KCNK10: variants seen among roughly 807,000 people sequenced by gnomAD.
KCNK10 encodes potassium two pore domain channel subfamily K member 10, also known as potassium channel subfamily K member 10.
KCNK10 carries 25 observed loss-of-function variants against 47.7 expected under a neutral mutation model. The ratio of observed to expected loss-of-function variants is 0.52; its 90% CI spans 0.38 to 0.73. The LOEUF (loss-of-function observed/expected upper bound fraction) is 0.73, where lower values mean the gene tolerates loss of function less well. Ranked by LOEUF, KCNK10 falls within the 30% of genes least tolerant of loss-of-function variation. The pLI is 0.00. For synonymous variants in KCNK10, 303 were observed against 285.6 expected, an observed-to-expected ratio of 1.06 and a Z score of -0.61; for missense variants, 563 against 714.5, an observed-to-expected ratio of 0.79 and a Z score of 2.42.
chr14:88,326,406 G>A, upstream of KCNK10: 1 of 1,610,624 alleles, frequency 6.2e-7, no homozygotes, highest in Non-Finnish European at 8.5e-7. Context: ...TTTACAAGCT[G>A]GACTTCACTT....
At chr14:88,280,469 C>T (rs1887625790) in intron 1 of KCNK10, among the ~76,000 whole-genome samples, 1 of 152,170 alleles carries the variant, frequency 6.6e-6, no homozygotes, top group Non-Finnish European at 1.5e-5. Flanking sequence ...CAGGTCTATA[C>T]ACCCAGACCC....
chr14:88,252,651 A>C (rs1027848254), intron 2 of KCNK10, among the ~76,000 whole-genome samples: 1 of 151,930 alleles, frequency 6.6e-6, no homozygotes, highest in African/African-American at 2.4e-5. Flanking sequence ...CACAATACCC[A>C]CTCCTCACAT....
chr14:88,309,793 A>G (rs918609424), intron 1 of KCNK10, among the ~76,000 whole-genome samples: 1 of 152,088 alleles, frequency 6.6e-6, no homozygotes, highest in Non-Finnish European at 1.5e-5. Context: ...AGAAGCCTCA[A>G]TGGACTTGGA....
At chr14:88,315,960 T>C (rs1424565286) in intron 1 of KCNK10, among the ~76,000 whole-genome samples, 1 of 152,174 alleles carries the variant, frequency 6.6e-6, no homozygotes, top group African/African-American at 2.4e-5. Context: ...GGCTTATGTA[T>C]GGCAGTAAAT....
chr14:88,249,174 G>A (rs1886726439), intron 2 of KCNK10, among the ~76,000 whole-genome samples: 1 of 152,090 alleles, frequency 6.6e-6, no homozygotes, highest in Non-Finnish European at 1.5e-5. Flanking sequence ...AAAAACAAAA[G>A]GTTAAACACT....
intron 1 of KCNK10, among the ~76,000 whole-genome samples, chr14:88,296,028 T>A (rs957409164): frequency 6.6e-6 from 1 of 152,180 alleles, no homozygotes. Flanking sequence ...TCTGGTCTAG[T>A]CCATGCACCT....
rs535244473 is a variant in KCNK10 at position 88,183,639 on chromosome 14, G to A, written c.*1896C>T. ...GAGCCTCATCTCCAGTCCAATGGAG[G>A]AGTTGACTTAGACCTTCCTTGGACA... On this transcript the variant is annotated 3_prime_UTR_variant, in exon 7 of 7. Transcript: ENST00000319231. 1 of 152,472 alleles carries A rather than the reference G, an allele frequency of 6.6e-6. No homozygotes were observed. Among genetic ancestry groups the A allele is most frequent in the African/African-American group, 2.4e-5 (1 of 41,572 alleles). The allele number at this position is 152,472 out of a possible 1,614,324, so 9.4% of individuals were successfully genotyped here.
intron 1 of KCNK10, among the ~76,000 whole-genome samples, chr14:88,275,011 A>T (rs1008508925): frequency 2.6e-5 from 4 of 152,096 alleles, no homozygotes; most frequent in African/African-American, 9.7e-5. Flanking sequence ...AAGATGCCTC[A>T]GGGGCCCCTG....
At chr14:88,294,789 A>C (rs1887952384) in intron 1 of KCNK10, among the ~76,000 whole-genome samples, 2 of 152,132 alleles carry the variant, frequency 1.3e-5, no homozygotes, top group African/African-American at 4.8e-5. Context: ...CCTCTCTTAA[A>C]TTTAATATGC....
chr14:88,236,219 A>ACTC (rs1886296740), intron 3 of KCNK10, among the ~76,000 whole-genome samples: 1 of 152,162 alleles, frequency 6.6e-6, no homozygotes, highest in Non-Finnish European at 1.5e-5. Context: ...CAGGAGGCTG[A>ACTC]AGCCAAAAGA....
At chr14:88,307,776 T>C (rs1285938246) in intron 1 of KCNK10, among the ~76,000 whole-genome samples, 2 of 152,106 alleles carry the variant, frequency 1.3e-5, no homozygotes, top group Non-Finnish European at 2.9e-5. Context: ...ATAAATTACA[T>C]ATTATATGTT....
At chr14:88,206,127 T>A (rs1477761401) in intron 4 of KCNK10, among the ~76,000 whole-genome samples, 5 of 152,206 alleles carry the variant, frequency 3.3e-5, no homozygotes, top group African/African-American at 1.2e-4. Context: ...TATTGGAACA[T>A]GGCCATTTTC....
At chr14:88,308,786 G>A (rs546003188) in intron 1 of KCNK10, among the ~76,000 whole-genome samples, 1 of 152,342 alleles carries the variant, frequency 6.6e-6, no homozygotes, top group South Asian at 2.1e-4. Flanking sequence ...AAACTAGGCA[G>A]CTCTGAGGCC....
intron 4 of KCNK10, among the ~76,000 whole-genome samples, chr14:88,223,538 C>T (rs1414536468): frequency 1.3e-5 from 2 of 152,120 alleles, no homozygotes; most frequent in Non-Finnish European, 2.9e-5. Context: ...TGAGCCCTTT[C>T]TGCTCTCTGC....
chr14:88,325,014 A>G (rs1009990656), upstream of KCNK10, among the ~76,000 whole-genome samples: 1 of 152,202 alleles, frequency 6.6e-6, no homozygotes, highest in Non-Finnish European at 1.5e-5. Context: ...CCCTTTAGGC[A>G]GGTTCCCGGG....
At chr14:88,189,532 C>T (rs964413780) in intron 5 of KCNK10, among the ~76,000 whole-genome samples, 5 of 152,092 alleles carry the variant, frequency 3.3e-5, no homozygotes, top group Non-Finnish European at 5.9e-5. Context: ...CACTAGGGTG[C>T]GCTAGTGAAC....
chr14:88,263,835 C>G (rs7159927), intron 1 of KCNK10, among the ~76,000 whole-genome samples: 2,043 of 152,228 alleles, frequency 0.013, 51 homozygotes, highest in African/African-American at 0.047. Context: ...AAAGCTATCT[C>G]TCTGCCATTT....
At chr14:88,267,060 G>A (rs911254544) in intron 1 of KCNK10, among the ~76,000 whole-genome samples, 1 of 152,230 alleles carries the variant, frequency 6.6e-6, no homozygotes, top group African/African-American at 2.4e-5. Context: ...AAATCCATCA[G>A]TGACAGCATG....
chr14:88,242,327 T>A (rs1886502888), intron 2 of KCNK10, among the ~76,000 whole-genome samples: 1 of 152,252 alleles, frequency 6.6e-6, no homozygotes, highest in East Asian at 1.9e-4. Flanking sequence ...GTAAATATTT[T>A]AGCCCTGGTG....
Sources: gnomAD v4.1 joint callset for allele counts (sites outside exome capture counted in the v4.1 genomes callset) on GRCh38, gnomAD v4.1.1 for gene constraint, MANE v1.5 for transcripts, NCBI Gene and HGNC (gene_info 2026-07-23, HGNC 2026-07-21) for gene names.